AGAP6: variants seen among roughly 807,000 people sequenced by gnomAD.
The protein encoded by AGAP6 is arf-GAP with GTPase, ANK repeat and PH domain-containing protein 6.
Under a neutral mutation model 63.9 loss-of-function variants are expected in AGAP6, and 29 were observed. That is an observed-to-expected ratio of 0.45 (90% CI 0.34 to 0.62). The LOEUF (loss-of-function observed/expected upper bound fraction) is 0.62, where lower values mean the gene tolerates loss of function less well. AGAP6 is among the 20% of genes least tolerant of loss of function. AGAP6 has a pLI of 0.01. For synonymous variants in AGAP6, 199 were observed against 332.9 expected (o/e 0.60, Z 4.38); for missense variants, 493 against 884.9 (o/e 0.56, Z 5.62).
chr10:50,009,159 C>T lies in AGAP6; in HGVS notation c.1034C>T (p.Pro345Leu). Residue 345 changes from proline (P) to leucine (L), a missense_variant, in exon 8 of 8, where the codon CCA becomes CTA. By Grantham distance (98) the Pro-to-Leu change is moderately conservative. Coordinates refer to ENST00000412531, the MANE Select transcript of AGAP6 (RefSeq NM_001077665.3). Reference protein sequence around the residue: ...TSTIKVPGKWPSLATSACTPI... With the variant: ...TSTIKVPGKWLSLATSACTPI... ...ACCATCAAAGTCCCAGGAAAGTGGC[C>T]ATCCCTAGCCACATCGGCCTGCACA... The T allele has an allele frequency of 9.9e-6, 16 of 1,614,154 alleles. No homozygotes were observed. Among genetic ancestry groups the T allele is most frequent in the South Asian group, 2.2e-5 (2 of 91,080 alleles).
At chr10:50,003,725 G>C (rs1841797603) in intron 5 of AGAP6, among the ~76,000 whole-genome samples, 1 of 152,202 alleles carries the variant, frequency 6.6e-6, no homozygotes. Flanking sequence ...TGCTTAATTT[G>C]AGTTTAGGAC....
rs562350898 is a variant in AGAP6 at position 49,998,668 on chromosome 10, T to C, written c.397-3328T>C. Among the ~76,000 whole-genome samples the C allele has an allele frequency of 2.1e-5, 3 of 141,714 alleles. 1 individual carries two copies. In the South Asian group the frequency reaches 7.3e-4, roughly 34 times the overall value. The allele number at this position is 141,714 out of a possible 152,430, so 93.0% of individuals were successfully genotyped here. A position where few individuals can be genotyped will look rare whatever the true frequency, so the allele number is the denominator to read the frequency against. The stretch of plus-strand genomic sequence containing the variant: ...TAATGTCATGCCTCCAGATTTGTTG[T>C]TTTTTCTTAGTTTTGTTTTGGCTAT... On this transcript the variant is annotated intron_variant, in intron 4 of 7. Transcript: ENST00000412531.
At chr10:50,004,242 G>A (rs1378862619) in intron 5 of AGAP6, among the ~76,000 whole-genome samples, 1 of 142,010 alleles carries the variant, frequency 7.0e-6, no homozygotes, top group Non-Finnish European at 1.5e-5. Flanking sequence ...TGTAGTCCCA[G>A]CTTCTTGGGA....
rs1381658281 is a variant in AGAP6 at position 49,998,640 on chromosome 10, A to G, written c.397-3356A>G. Among the ~76,000 whole-genome samples, 7 of 139,208 alleles carry G rather than the reference A, an allele frequency of 5.0e-5. 1 individual carries two copies. Among genetic ancestry groups the G allele is most frequent in the Non-Finnish European group, 9.1e-5 (6 of 65,878 alleles). The allele number at this position is 139,208 out of a possible 152,430, so 91.3% of individuals were successfully genotyped here. A position where few individuals can be genotyped will look rare whatever the true frequency, so the allele number is the denominator to read the frequency against. Reference sequence around the variant, plus strand: ...TGGCCTTATAGTATAGTTTGAAATCAGGTAATGTCATGCCTCCAGATTTGT... The same window carrying G: ...TGGCCTTATAGTATAGTTTGAAATCGGGTAATGTCATGCCTCCAGATTTGT... On this transcript the variant is annotated intron_variant, in intron 4 of 7. Transcript: ENST00000412531.
intron 4 of AGAP6, among the ~76,000 whole-genome samples, chr10:49,996,719 A>T (rs1332367914): frequency 2.1e-5 from 3 of 142,808 alleles, no homozygotes; most frequent in Admixed American, 7.0e-5. Flanking sequence ...CTAGTTAGAG[A>T]TTTGCAACTG....
At chr10:50,004,288 G>A (rs1554863492) in intron 5 of AGAP6, among the ~76,000 whole-genome samples, 1 of 150,704 alleles carries the variant, frequency 6.6e-6, no homozygotes, top group Non-Finnish European at 1.5e-5. Context: ...CCTGGGTGGT[G>A]GAGGTTGTGA....
rs782017123 is a variant in AGAP6 at position 50,002,106 on chromosome 10, A to T, written c.497+10A>T. 6.1e-5 allele frequency: 98 copies of T among 1,602,760 alleles called. 2 individuals are homozygous for T. The Middle Eastern group carries it at 8.9e-4, about 14-fold the overall frequency. On this transcript the variant is annotated intron_variant, in intron 5 of 7. Coordinates refer to ENST00000412531, the MANE Select transcript of AGAP6 (RefSeq NM_001077665.3). The stretch of plus-strand genomic sequence containing the variant: ...CAATGACAATAATATCGTGAGTACA[A>T]CTATGCTGCCGAGGGACAGATTCCT...
chr10:50,001,179 A>T (rs1841679582), intron 4 of AGAP6, among the ~76,000 whole-genome samples: 1 of 147,654 alleles, frequency 6.8e-6, no homozygotes, highest in Admixed American at 6.7e-5. Context: ...AAATACAAAA[A>T]GTTAGCCGGG....
Position 49,994,379 on chromosome 10 carries a change from T to G in AGAP6, c.362-16T>G. On this transcript the variant is annotated splice_polypyrimidine_tract_variant and intron_variant, in intron 3 of 7. Transcript: ENST00000412531. ...ATTTGTATCAGAAGTGACCAGTTTT[T>G]TTTTTTTATTCTTAGTTGTAGAAAT... The G allele has an allele frequency of 6.5e-7, 1 of 1,533,014 alleles. No individual in the cohort carries two copies. The highest frequency in any genetic ancestry group is 8.8e-7 in the Non-Finnish European group (1 of 1,136,818). The allele number at this position is 1,533,014 out of a possible 1,614,324, so 95.0% of individuals were successfully genotyped here.
intron 4 of AGAP6, among the ~76,000 whole-genome samples, chr10:49,998,236 C>T (rs1841568831): frequency 1.9e-5 from 2 of 107,540 alleles, no homozygotes. Flanking sequence ...TAAGTCTCAC[C>T]TATTTGTTTC....
chr10:50,009,886 G>T lies in AGAP6; in HGVS notation c.1761G>T (p.Leu587=). ...LAPLPCTELS[L]GQQLLRATAD... ...CACTACCCTGCACTGAGCTGTCCCT[G>T]GGCCAGCAGCTGCTGCGGGCCACCG... Residue 587 remains leucine, a synonymous_variant, in exon 8 of 8, where the codon CTG becomes CTT. Coordinates refer to ENST00000412531, the MANE Select transcript of AGAP6 (RefSeq NM_001077665.3). 1 of 1,611,506 alleles carries T rather than the reference G, an allele frequency of 6.2e-7. No homozygotes were observed. The highest frequency in any genetic ancestry group is 8.5e-7 in the Non-Finnish European group (1 of 1,179,806).
At chr10:49,996,429 T>A (rs1206247088) in intron 4 of AGAP6, among the ~76,000 whole-genome samples, 1 of 152,102 alleles carries the variant, frequency 6.6e-6, no homozygotes, top group Non-Finnish European at 1.5e-5. Flanking sequence ...AGCTTTTCAT[T>A]TGGGAGACCT....
At position 50,009,011 on chromosome 10, in the gene AGAP6, T is replaced by C. The variant is rs782052846; in HGVS notation, c.886T>C (p.Trp296Arg). Residue 296 changes from tryptophan to arginine, a missense_variant, in exon 8 of 8, where the codon TGG becomes CGG. Coordinates refer to ENST00000412531, the MANE Select transcript of AGAP6 (RefSeq NM_001077665.3). Reference protein sequence around the residue: ...QGMLLKRSGKWLKTWKKKYVT... With the variant: ...QGMLLKRSGKRLKTWKKKYVT... ...CATGCTCTTAAAGCGAAGTGGGAAA[T>C]GGCTGAAGACATGGAAAAAGAAATA... 2.2e-5 allele frequency: 36 copies of C among 1,613,694 alleles called. No homozygotes were observed. Among genetic ancestry groups the C allele is most frequent in the Non-Finnish European group, 3.0e-5 (35 of 1,179,856 alleles).
intron 5 of AGAP6, among the ~76,000 whole-genome samples, chr10:50,003,621 A>T (rs1841794064): frequency 6.6e-6 from 1 of 152,212 alleles, no homozygotes; most frequent in Non-Finnish European, 1.5e-5. Context: ...AGCCATACCC[A>T]ATACTAATTA....
chr10:49,999,484 A>G (rs1841613891), intron 4 of AGAP6, among the ~76,000 whole-genome samples: 1 of 140,590 alleles, frequency 7.1e-6, no homozygotes, highest in Non-Finnish European at 1.5e-5. Flanking sequence ...AAAGCCATCT[A>G]TGACAAACCC....
intron 4 of AGAP6, among the ~76,000 whole-genome samples, chr10:50,000,866 CA>C (rs1297735640): frequency 1.2e-5 from 1 of 84,034 alleles, no homozygotes; most frequent in Non-Finnish European, 2.3e-5. Context: ...GGTGGCCTAG[CA>C]GCCCTGGCAC....
chr10:49,997,849 G>A (rs1841551886), intron 4 of AGAP6, among the ~76,000 whole-genome samples: 1 of 144,960 alleles, frequency 6.9e-6, no homozygotes, highest in Non-Finnish European at 1.5e-5. Flanking sequence ...CATCCTCATA[G>A]CTCAGCTCCC....
chr10:49,990,536 A>G (rs1177738565), intron 2 of AGAP6, among the ~76,000 whole-genome samples: 1 of 152,246 alleles, frequency 6.6e-6, no homozygotes, highest in African/African-American at 2.4e-5. Context: ...AGAGAAAACA[A>G]TTAGTTCGTT....
At chr10:50,008,319 T>A (rs1291824270) in intron 7 of AGAP6, among the ~76,000 whole-genome samples, 31 of 140,770 alleles carry the variant, frequency 2.2e-4, no homozygotes, top group Admixed American at 7.5e-4. Flanking sequence ...TTTTTTTTTT[T>A]ATGGACTCTC....
Sources: gnomAD v4.1 joint callset for allele counts (sites outside exome capture counted in the v4.1 genomes callset) on GRCh38, gnomAD v4.1.1 for gene constraint, MANE v1.5 for transcripts, NCBI Gene and HGNC (gene_info 2026-07-23, HGNC 2026-07-21) for gene names.